CDH18: variants seen among roughly 807,000 people sequenced by gnomAD.
CDH18 encodes the protein cadherin 18, also known as cadherin-18.
CDH18 carries 31 observed loss-of-function variants against 67.9 expected under a neutral mutation model. That is an observed-to-expected ratio of 0.46 (90% CI 0.34 to 0.62). The LOEUF (loss-of-function observed/expected upper bound fraction) is 0.62. CDH18 is among the 20% of genes least tolerant of loss of function. CDH18 has a pLI of 0.01. For synonymous variants in CDH18, 362 were observed against 347.2 expected, an observed-to-expected ratio of 1.04 and a Z score of -0.48; for missense variants, 890 against 975.5, an observed-to-expected ratio of 0.91 and a Z score of 1.17.
At position 19,473,241 on chromosome 5, in the gene CDH18, A is replaced by G; in HGVS notation, c.2358T>C (p.Ser786=). ...AACTGACCCCCTAAGTTGTTCTTTCAGATTCTATTTCTCCATAGAGTTCAG... is the reference window on the plus strand; with the variant it reads ...AACTGACCCCCTAAGTTGTTCTTTCGGATTCTATTTCTCCATAGAGTTCAG... ...KLAELYGEIE[S]ERTT The change falls in exon 13 of 13, where the codon TCT becomes TCC. Residue 786 remains serine, a synonymous_variant. Transcript: ENST00000382275. 6.2e-7 allele frequency: 1 copy of G among 1,613,088 alleles called. No individual in the cohort carries two copies. Among genetic ancestry groups the G allele is most frequent in the South Asian group, 1.1e-5 (1 of 91,062 alleles).
chr5:20,110,306 A>G (rs182709686), intron 2 of CDH18, among the ~76,000 whole-genome samples: 7 of 152,360 alleles, frequency 4.6e-5, no homozygotes, highest in Non-Finnish European at 7.3e-5. Context: ...AGCAAAATCT[A>G]CTAAACAGTA....
intron 11 of CDH18, among the ~76,000 whole-genome samples, chr5:19,488,503 T>C (rs551189770): frequency 1.9e-4 from 29 of 152,270 alleles, no homozygotes; most frequent in Middle Eastern, 3.4e-3. Flanking sequence ...AGCTAGGAAA[T>C]ACGGCTCAAC....
At chr5:20,139,464 AT>A (rs1750046044) in intron 2 of CDH18, among the ~76,000 whole-genome samples, 2 of 152,210 alleles carry the variant, frequency 1.3e-5, no homozygotes, top group African/African-American at 4.8e-5. Context: ...AAATTGACAA[AT>A]GGGATCTAAG....
intron 3 of CDH18, among the ~76,000 whole-genome samples, chr5:19,816,440 T>C (rs1489470794): frequency 1.3e-5 from 2 of 151,894 alleles, no homozygotes; most frequent in Non-Finnish European, 3.0e-5. Flanking sequence ...ATGAAGCATA[T>C]TGCCAGCAGC....
chr5:19,655,883 A>G (rs1756294536), intron 5 of CDH18, among the ~76,000 whole-genome samples: 1 of 152,114 alleles, frequency 6.6e-6, no homozygotes, highest in African/African-American at 2.4e-5. Context: ...GGATTTCCCC[A>G]AAGTCAATTG....
In CDH18 at chr5:20,287,788, C is replaced by T. The variant is rs996586269; in HGVS notation, c.-579-32283G>A. ...GAAGCATTCATGTGAAACAAATCAACGTTGTGACTTCTCGGTATCACATTT... is the reference window on the plus strand; with the variant it reads ...GAAGCATTCATGTGAAACAAATCAATGTTGTGACTTCTCGGTATCACATTT... On this transcript the variant is annotated intron_variant, in intron 1 of 14. Coordinates refer to the CDH18 transcript ENST00000507958. Among the ~76,000 whole-genome samples, 6 of 151,594 alleles carry T rather than the reference C, an allele frequency of 4.0e-5. No homozygotes were observed. The East Asian group carries it at 7.7e-4, about 20-fold the overall frequency.
At chr5:20,106,300 G>A (rs1429517067) in intron 2 of CDH18, among the ~76,000 whole-genome samples, 3 of 152,030 alleles carry the variant, frequency 2.0e-5, no homozygotes, top group South Asian at 4.2e-4. Flanking sequence ...CCCTGTTTAC[G>A]GTCCTTAAAA....
At chr5:19,827,998 A>G (rs1260945175) in intron 3 of CDH18, among the ~76,000 whole-genome samples, 6 of 152,196 alleles carry the variant, frequency 3.9e-5, no homozygotes, top group East Asian at 1.9e-4. Context: ...AGTAAAAAAG[A>G]GAAAAGATCC....
chr5:20,392,520 A>C (rs1203156813), intron 1 of CDH18, among the ~76,000 whole-genome samples: 1 of 151,878 alleles, frequency 6.6e-6, no homozygotes, highest in Non-Finnish European at 1.5e-5. Context: ...CTTATAACTC[A>C]CTATTCAGTG....
At chr5:19,676,038 A>G (rs1173951903) in intron 5 of CDH18, among the ~76,000 whole-genome samples, 3 of 152,012 alleles carry the variant, frequency 2.0e-5, no homozygotes, top group African/African-American at 7.2e-5. Flanking sequence ...ACTCACTTCA[A>G]TAATTTCATA....
At chr5:19,507,318 T>G (rs1234846699) in intron 10 of CDH18, among the ~76,000 whole-genome samples, 1 of 152,192 alleles carries the variant, frequency 6.6e-6, no homozygotes, top group Non-Finnish European at 1.5e-5. Flanking sequence ...GAATGTAAAC[T>G]AGTTCAACCC....
chr5:19,615,440 A>G (rs898977671), intron 5 of CDH18, among the ~76,000 whole-genome samples: 1 of 152,172 alleles, frequency 6.6e-6, no homozygotes, highest in Non-Finnish European at 1.5e-5. Flanking sequence ...GAAAGTACAA[A>G]GAATTCCCAT....
intron 2 of CDH18, among the ~76,000 whole-genome samples, chr5:19,947,086 T>C (rs1579739504): frequency 6.6e-6 from 1 of 152,230 alleles, no homozygotes; most frequent in Non-Finnish European, 1.5e-5. Flanking sequence ...CTTCCTATAC[T>C]ACATAAAGCA....
At chr5:19,959,490 T>C (rs1796585730) in intron 2 of CDH18, among the ~76,000 whole-genome samples, 1 of 152,116 alleles carries the variant, frequency 6.6e-6, no homozygotes, top group South Asian at 2.1e-4. Context: ...TTCAGTCTTT[T>C]CCATGTTTAA....
chr5:19,820,619 G>A (rs1779774572), intron 3 of CDH18, among the ~76,000 whole-genome samples: 1 of 152,224 alleles, frequency 6.6e-6, no homozygotes, highest in Non-Finnish European at 1.5e-5. Flanking sequence ...AGTAGCCCCT[G>A]TGAGAGAGTG....
At chr5:20,339,480 G>A (rs940708487) in intron 1 of CDH18, among the ~76,000 whole-genome samples, 1 of 152,112 alleles carries the variant, frequency 6.6e-6, no homozygotes, top group Non-Finnish European at 1.5e-5. Context: ...GAGAGGAGCT[G>A]CAAGGGACAG....
chr5:20,404,780 C>T (rs939551587), intron 1 of CDH18, among the ~76,000 whole-genome samples: 6 of 152,050 alleles, frequency 3.9e-5, no homozygotes, highest in Admixed American at 2.0e-4. Context: ...GAAAAAATGA[C>T]GTGAGTTGAC....
chr5:19,681,118 G>A (rs35309742), intron 5 of CDH18, among the ~76,000 whole-genome samples: 27,864 of 151,812 alleles, frequency 0.18, 3,011 homozygotes, highest in East Asian at 0.39. Context: ...GCAGCAACAC[G>A]GATAGAACTG....
intron 2 of CDH18, among the ~76,000 whole-genome samples, chr5:20,210,209 T>A (rs2126373473): frequency 6.6e-6 from 1 of 152,028 alleles, no homozygotes; most frequent in East Asian, 1.9e-4. Context: ...TTCTGACAAG[T>A]AACTGAGTTT....
Sources: allele counts gnomAD v4.1 joint callset (sites outside exome capture counted in the v4.1 genomes callset), GRCh38; gene constraint gnomAD v4.1.1; transcripts MANE v1.5; gene names NCBI Gene and HGNC (gene_info 2026-07-23, HGNC 2026-07-21).